Variants in ITIH2 observed in about 807,000 individuals in gnomAD.
ITIH2 encodes inter-alpha-trypsin inhibitor heavy chain H2.
Under a neutral mutation model 104.4 loss-of-function variants are expected in ITIH2, and 103 were observed. That is an observed-to-expected ratio of 0.99 (90% confidence interval 0.84 to 1.16). The LOEUF is 1.16. ITIH2 is among the 50% of genes most tolerant of loss of function. ITIH2 has a pLI of 0.00. For missense variants in ITIH2, 1,108 were observed against 1,162.4 expected (o/e 0.95, Z 0.68); for synonymous variants, 436 against 435.4 (o/e 1.00, Z -0.02).
rs140708596 is a variant in ITIH2 at position 7,738,665 on chromosome 10, T to C, written c.2002T>C (p.Ser668Pro). ...CAAAGTGGTTCCAGATTCCACCCCG[T>C]CTTGGGCCAATCCTTCACCAACGCC... ...GSKVVPDSTP[S>P]WANPSPTPVI... Residue 668 changes from serine to proline, a missense_variant, in exon 16 of 21, where the codon TCT becomes CCT. Physicochemically the swap from Ser to Pro is moderately conservative, Grantham distance 74. Coordinates refer to ENST00000358415, the MANE Select transcript of ITIH2 (RefSeq NM_002216.3). 6.0e-4 allele frequency: 961 copies of C among 1,613,900 alleles called. 8 individuals carry two copies. The highest frequency in any genetic ancestry group is 4.8e-3 in the South Asian group (439 of 91,080).
At chr10:7,715,755 G>A (rs1377437720) in intron 5 of ITIH2, among the ~76,000 whole-genome samples, 1 of 152,038 alleles carries the variant, frequency 6.6e-6, no homozygotes, top group African/African-American at 2.4e-5. Flanking sequence ...CTTTTCTTTT[G>A]AAATGAAATT....
chr10:7,707,285 AC>A, intron 3 of ITIH2, 52 bp downstream of exon 3: 1 of 1,355,932 alleles, frequency 7.4e-7, no homozygotes, highest in Non-Finnish European at 1.1e-6. Context: ...GTTAATAATT[AC>A]CAGGAAATCA....
intron 15 of ITIH2, 41 bp from the exon 16 acceptor site, chr10:7,738,580 C>G (rs760420348): frequency 2.5e-6 from 4 of 1,610,420 alleles, no homozygotes; most frequent in Non-Finnish European, 3.4e-6. Flanking sequence ...TCCGTGGAAA[C>G]GTAAATCTAG....
intron 6 of ITIH2, among the ~76,000 whole-genome samples, chr10:7,719,856 A>G (rs1347620924): frequency 2.0e-5 from 3 of 149,190 alleles, no homozygotes. Context: ...GTTCTCACTT[A>G]TAAGAGAGAG....
At position 7,721,643 on chromosome 10, in the gene ITIH2, T is replaced by A. The variant is rs77737614; in HGVS notation, c.739-6T>A. 140 of 1,613,132 alleles carry A rather than the reference T, an allele frequency of 8.7e-5. No homozygotes were observed. In the African/African-American group the frequency reaches 1.7e-3, roughly 19 times the overall value. ...GCAGAGGCTCTGATGTCACCGTTCT[T>A]TCTAGGCGCACGTCTCCTTCAAGCC... On this transcript the variant is annotated splice_polypyrimidine_tract_variant and splice_region_variant and intron_variant, in intron 7 of 20. Transcript: ENST00000358415.
At chr10:7,727,641 A>C in intron 10 of ITIH2, 62 bp from the exon 11 acceptor site, 1 of 1,583,056 alleles carries the variant, frequency 6.3e-7, no homozygotes, top group Non-Finnish European at 8.6e-7. Context: ...CTGAATCCAG[A>C]ATGGGATTTT....
At chr10:7,707,968 A>G (rs972710738) in intron 3 of ITIH2, among the ~76,000 whole-genome samples, 2 of 152,344 alleles carry the variant, frequency 1.3e-5, no homozygotes, top group South Asian at 4.1e-4. Flanking sequence ...TGAGATGTTC[A>G]GAGTAGACCA....
At chr10:7,705,710 A>C (rs1266010236) in intron 2 of ITIH2, among the ~76,000 whole-genome samples, 2 of 151,584 alleles carry the variant, frequency 1.3e-5, no homozygotes, top group Non-Finnish European at 2.9e-5. Flanking sequence ...TAAAAAAAAA[A>C]AAAAAAAAAA....
intron 9 of ITIH2, 41 bp downstream of exon 9, chr10:7,723,608 A>G (rs150715558): frequency 1.0e-5 from 12 of 1,157,502 alleles, no homozygotes; most frequent in African/African-American, 9.1e-5. Context: ...GGGATTCCCT[A>G]TCTTCTTTGA....
chr10:7,744,128 T>G lies in ITIH2; in HGVS notation c.2256T>G (p.Asn752Lys). Residue 752 changes from asparagine (N) to lysine (K), a missense_variant, in exon 18 of 21, where the codon AAT (asparagine) becomes AAG (lysine). Physicochemically the swap from Asn to Lys is moderately conservative, Grantham distance 94. Coordinates refer to ENST00000358415, the MANE Select transcript of ITIH2 (RefSeq NM_002216.3). Reference sequence around the variant, plus strand: ...TTGTTGGTGCCAAGAAGCCCAACAATGGAAAACTAAGCACCTATTTTGGAA... The same window carrying G: ...TTGTTGGTGCCAAGAAGCCCAACAAGGGAAAACTAAGCACCTATTTTGGAA... ...GQLVGAKKPN[N>K]GKLSTYFGKL... is the part of the protein sequence containing the mutation. 1.2e-6 allele frequency: 2 copies of G among 1,614,132 alleles called. No homozygotes were observed. Among genetic ancestry groups the G allele is most frequent in the Non-Finnish European group, 1.7e-6 (2 of 1,180,004 alleles).
At chr10:7,748,788 C>A (rs142475675) in intron 20 of ITIH2, among the ~76,000 whole-genome samples, 1 of 151,652 alleles carries the variant, frequency 6.6e-6, no homozygotes, top group Non-Finnish European at 1.5e-5. Flanking sequence ...TCAAGTGGTC[C>A]GCCCACCTCA....
intron 3 of ITIH2, among the ~76,000 whole-genome samples, chr10:7,708,729 T>C (rs75614694): frequency 0.013 from 2,007 of 152,196 alleles, 19 homozygotes; most frequent in Non-Finnish European, 0.022. Flanking sequence ...TCCCACACCG[T>C]TTTCTACTTG....
At chr10:7,733,261 G>A (rs2130956847) in intron 14 of ITIH2, among the ~76,000 whole-genome samples, 1 of 152,040 alleles carries the variant, frequency 6.6e-6, no homozygotes, top group Middle Eastern at 3.4e-3. Flanking sequence ...ATATGATGTT[G>A]GTGAGATTCA....
chr10:7,717,563 G>A, intron 5 of ITIH2, 63 bp from the exon 6 acceptor site: 17 of 1,517,358 alleles, frequency 1.1e-5, no homozygotes, highest in Non-Finnish European at 1.5e-5. Flanking sequence ...CCTCTGCCTA[G>A]ATTCTGGGTC....
At chr10:7,746,564 T>C (rs918060578) in intron 19 of ITIH2, 29 bp from the exon 20 acceptor site, 2 of 1,398,778 alleles carry the variant, frequency 1.4e-6, no homozygotes, top group Non-Finnish European at 2.0e-6. Flanking sequence ...TGATTACATG[T>C]CAATCAATGT....
Position 7,737,654 on chromosome 10 carries a change from T to A in ITIH2, c.1958-967T>A, listed in dbSNP as rs1037457973. On this transcript the variant is annotated intron_variant, in intron 15 of 20. Transcript: ENST00000358415. ...CTATATTCTATAGAATATTCTATAT[T>A]ATATTCTATATTATATTCTATATTT... Among the ~76,000 whole-genome samples the A allele has an allele frequency of 3.2e-4, 23 of 71,452 alleles. 4 individuals are homozygous for A. The highest frequency in any genetic ancestry group is 6.5e-4 in the African/African-American group (9 of 13,936). 46.9% of individuals were successfully genotyped at this position (71,452 alleles called of 152,430 possible). A position where few individuals can be genotyped will look rare whatever the true frequency, so the allele number is the denominator to read the frequency against.
At chr10:7,735,189 C>CCT in intron 15 of ITIH2, 98 bp downstream of exon 15, 1 of 1,128,614 alleles carries the variant, frequency 8.9e-7, no homozygotes, top group Non-Finnish European at 1.2e-6. Flanking sequence ...CCCCAGCCCA[C>CCT]CTCTTGCTCC....
At chr10:7,715,524 T>C (rs1834839598) in intron 5 of ITIH2, among the ~76,000 whole-genome samples, 1 of 152,106 alleles carries the variant, frequency 6.6e-6, no homozygotes, top group Admixed American at 6.5e-5. Context: ...TACCAGAAAC[T>C]CTTCTAGGCA....
intron 15 of ITIH2, among the ~76,000 whole-genome samples, chr10:7,737,192 C>T (rs921087962): frequency 4.6e-5 from 7 of 150,990 alleles, no homozygotes; most frequent in East Asian, 2.0e-4. Flanking sequence ...TCTTTAGGAA[C>T]GAGTCTGTGT....
Sources: allele counts gnomAD v4.1 joint callset (sites outside exome capture counted in the v4.1 genomes callset), GRCh38; gene constraint gnomAD v4.1.1; transcripts MANE v1.5; gene names NCBI Gene and HGNC (gene_info 2026-07-23, HGNC 2026-07-21).